NRG3: variants seen among roughly 807,000 people sequenced by gnomAD.
The protein encoded by NRG3 is pro-neuregulin-3, membrane-bound isoform.
Under a neutral mutation model 66.9 loss-of-function variants are expected in NRG3, and 31 were observed. That is an observed-to-expected ratio of 0.46 (90% CI 0.35 to 0.63). The LOEUF is 0.63. NRG3 is among the 20% of genes least tolerant of loss of function. The pLI is 0.00. For missense variants in NRG3, 910 were observed against 878.9 expected (o/e 1.04, Z -0.45); for synonymous variants, 393 against 359.4 (o/e 1.09, Z -1.06).
intron 1 of NRG3, among the ~76,000 whole-genome samples, chr10:82,231,652 C>G (rs1440430384): frequency 6.6e-6 from 1 of 152,060 alleles, no homozygotes; most frequent in Non-Finnish European, 1.5e-5. Context: ...GACTCACATT[C>G]CATAATGGAA....
chr10:82,030,384 G>T (rs528600315), intron 1 of NRG3, among the ~76,000 whole-genome samples: 1 of 152,058 alleles, frequency 6.6e-6, no homozygotes, highest in Non-Finnish European at 1.5e-5. Context: ...GGAAACAGAC[G>T]TAACACAACT....
intron 1 of NRG3, among the ~76,000 whole-genome samples, chr10:82,319,646 A>T (rs891748334): frequency 1.3e-5 from 2 of 152,120 alleles, no homozygotes; most frequent in East Asian, 3.9e-4. Context: ...TGGGAGCATA[A>T]GTTGGGGTTT....
At chr10:82,406,376 C>A (rs2087522323) in intron 2 of NRG3, among the ~76,000 whole-genome samples, 1 of 152,136 alleles carries the variant, frequency 6.6e-6, no homozygotes, top group Non-Finnish European at 1.5e-5. Context: ...GCCTTCAGAG[C>A]ACTTTCAGGT....
At position 82,908,638 on chromosome 10, in the gene NRG3, G is replaced by C. The variant is rs866223002; in HGVS notation, c.1055-42831G>C. 7.2e-5 allele frequency among the ~76,000 whole-genome samples: 11 copies of C among 152,170 alleles called. No homozygotes were observed. The South Asian group carries it at 8.3e-4, about 11-fold the overall frequency. On this transcript the variant is annotated intron_variant, in intron 4 of 8. Transcript: ENST00000372141. ...TGTTCACCTGCAATCCTCTCTGTCT[G>C]TCTCACTTTCCAAGGGAAGAGAAAA...
At chr10:81,941,294 G>A (rs1252467212) in intron 1 of NRG3, among the ~76,000 whole-genome samples, 1 of 151,882 alleles carries the variant, frequency 6.6e-6, no homozygotes, top group Non-Finnish European at 1.5e-5. Flanking sequence ...ATTGTGTTTA[G>A]TAATCACTTC....
intron 2 of NRG3, among the ~76,000 whole-genome samples, chr10:82,507,261 G>A (rs115709492): frequency 3.3e-5 from 5 of 152,300 alleles, no homozygotes; most frequent in African/African-American, 1.2e-4. Flanking sequence ...GGTTCGCAGT[G>A]TAAAGCTCCA....
intron 2 of NRG3, among the ~76,000 whole-genome samples, chr10:82,435,489 C>A (rs982681289): frequency 4.6e-5 from 7 of 152,090 alleles, no homozygotes; most frequent in African/African-American, 1.7e-4. Context: ...CTTCTGCTGG[C>A]TTTTGGATTA....
At chr10:82,080,056 C>G (rs190963980) in intron 1 of NRG3, among the ~76,000 whole-genome samples, 162 of 152,098 alleles carry the variant, frequency 1.1e-3, no homozygotes, top group African/African-American at 3.7e-3. Context: ...CAGTCAGTAC[C>G]GGGAGGTCTG....
chr10:81,978,763 C>T (rs2060218838), intron 1 of NRG3, among the ~76,000 whole-genome samples: 1 of 151,750 alleles, frequency 6.6e-6, no homozygotes, highest in African/African-American at 2.4e-5. Context: ...GCTGTGTTGC[C>T]TAGGTTTGTC....
rs114374927 is a variant in NRG3 at position 82,826,802 on chromosome 10, G to A, written c.1028-38609G>A. Among the ~76,000 whole-genome samples the A allele has an allele frequency of 5.2e-3, 786 of 151,966 alleles. 7 individuals carry two copies. Among genetic ancestry groups the A allele is most frequent in the African/African-American group, 0.018 (751 of 41,430 alleles). On this transcript the variant is annotated intron_variant, in intron 3 of 8. Transcript: ENST00000372141. ...GGGTGAAAATCAAAAACTACCTATC[G>A]GGTATTATGCTTACCACCTGGGAGA...
intron 1 of NRG3, among the ~76,000 whole-genome samples, chr10:82,032,002 C>T (rs2062590549): frequency 6.6e-6 from 1 of 152,032 alleles, no homozygotes; most frequent in Non-Finnish European, 1.5e-5. Flanking sequence ...ATTCAGGAGT[C>T]AGGCAGTTGC....
chr10:82,547,551 G>A (rs112071226), intron 2 of NRG3, among the ~76,000 whole-genome samples: 5,851 of 150,356 alleles, frequency 0.039, 216 homozygotes, highest in African/African-American at 0.098. Flanking sequence ...ACATATACAT[G>A]CATATATGTA....
At chr10:82,076,564 G>C (rs917510178) in intron 1 of NRG3, among the ~76,000 whole-genome samples, 1 of 152,164 alleles carries the variant, frequency 6.6e-6, no homozygotes, top group Non-Finnish European at 1.5e-5. Context: ...TTGTATCAGG[G>C]GGGTGGGTGG....
chr10:82,578,904 C>T (rs2046193165), intron 2 of NRG3, among the ~76,000 whole-genome samples: 1 of 151,870 alleles, frequency 6.6e-6, no homozygotes, highest in Non-Finnish European at 1.5e-5. Flanking sequence ...CTACTTAATT[C>T]AGTGACTGAA....
chr10:82,335,673 A>G (rs574309930), intron 1 of NRG3, among the ~76,000 whole-genome samples: 77 of 152,318 alleles, frequency 5.1e-4, no homozygotes, highest in Middle Eastern at 3.4e-3. Flanking sequence ...ACAAACAAAA[A>G]AAAGAAGTTA....
intron 7 of NRG3, among the ~76,000 whole-genome samples, chr10:82,978,621 T>C (rs1271369763): frequency 6.6e-6 from 1 of 152,212 alleles, no homozygotes; most frequent in African/African-American, 2.4e-5. Flanking sequence ...ATAATCAGGA[T>C]GGATGGGAAT....
intron 2 of NRG3, among the ~76,000 whole-genome samples, chr10:82,482,267 G>T (rs1842333286): frequency 6.6e-6 from 1 of 152,078 alleles, no homozygotes; most frequent in Admixed American, 6.6e-5. Flanking sequence ...TGAGCATTGA[G>T]CACACTTAGT....
chr10:82,526,321 A>G (rs1846690033), intron 2 of NRG3, among the ~76,000 whole-genome samples: 1 of 151,822 alleles, frequency 6.6e-6, no homozygotes, highest in Non-Finnish European at 1.5e-5. Context: ...AATAGTGGAT[A>G]AAATAATAAG....
intron 3 of NRG3, among the ~76,000 whole-genome samples, chr10:82,800,764 G>A (rs1048581380): frequency 2.0e-5 from 3 of 152,168 alleles, no homozygotes; most frequent in Admixed American, 2.0e-4. Context: ...TGCTAGTGAA[G>A]GAGGCATTTC....
Sources: gnomAD v4.1 joint callset for allele counts (sites outside exome capture counted in the v4.1 genomes callset) on GRCh38, gnomAD v4.1.1 for gene constraint, MANE v1.5 for transcripts, NCBI Gene and HGNC (gene_info 2026-07-23, HGNC 2026-07-21) for gene names.